Variants in P2RX7 observed in about 807,000 individuals in gnomAD.
The protein encoded by P2RX7 is P2X purinoceptor 7.
In P2RX7, 62 loss-of-function variants were observed where a neutral mutation model predicts 71.6. The ratio of observed to expected loss-of-function variants is 0.87; its 90% CI spans 0.71 to 1.07. P2RX7 has a LOEUF of 1.07. P2RX7 is among the 50% of genes least tolerant of loss of function. The probability of loss-of-function intolerance (pLI) is 0.00; values close to 1 mark genes in which losing one functional copy is unlikely to be tolerated. For missense variants in P2RX7, 686 were observed against 748.5 expected, an observed-to-expected ratio of 0.92 and a Z score of 0.97; for synonymous variants, 299 against 283.3, an observed-to-expected ratio of 1.06 and a Z score of -0.56.
chr12:121,183,639 C>G (rs1240193323), intron 12 of P2RX7, among the ~76,000 whole-genome samples: 1 of 151,282 alleles, frequency 6.6e-6, no homozygotes, highest in Non-Finnish European at 1.5e-5. Flanking sequence ...AGTGCTAAGT[C>G]CTATGAAGAA....
intron 1 of P2RX7, among the ~76,000 whole-genome samples, chr12:121,140,184 T>C (rs511496): frequency 0.18 from 27,102 of 152,048 alleles, 4,530 homozygotes; most frequent in African/African-American, 0.44. Context: ...AATCCAGCCA[T>C]GTGACACACA....
chr12:121,185,083 CAA>C lies in P2RX7; in HGVS notation c.*292_*293del, dbSNP rs375969132. 3.3e-5 allele frequency: 7 copies of C among 211,510 alleles called. No individual in the cohort carries two copies. The highest frequency in any genetic ancestry group is 9.4e-5 in the African/African-American group (4 of 42,694). 13.1% of individuals were successfully genotyped at this position (211,510 alleles called of 1,614,324 possible). ...CTGGGAGGCACAGCAAACTGTCCCC[CAA>C]AAAAAAAAAAGAGTCCTTACCAATA... On this transcript the variant is annotated 3_prime_UTR_variant, in exon 13 of 13. Coordinates refer to ENST00000328963, the MANE Select transcript of P2RX7 (RefSeq NM_002562.6).
At chr12:121,163,605 A>G (rs1057424167) in intron 5 of P2RX7, among the ~76,000 whole-genome samples, 3 of 14,268 alleles carry the variant, frequency 2.1e-4, no homozygotes, top group Non-Finnish European at 4.5e-4. Context: ...AGGTAGATAG[A>G]TAGATAGATA....
At chr12:121,165,519 C>G in intron 6 of P2RX7, 82 bp downstream of exon 6, 1 of 1,101,864 alleles carries the variant, frequency 9.1e-7, no homozygotes, top group East Asian at 2.4e-5. Context: ...CCTGAAACAA[C>G]AAACGCCTAT....
At chr12:121,181,254 C>T (rs1203820865) in intron 12 of P2RX7, among the ~76,000 whole-genome samples, 3 of 152,138 alleles carry the variant, frequency 2.0e-5, no homozygotes, top group Non-Finnish European at 4.4e-5. Context: ...ATAGTTCATT[C>T]TCATTGTATA....
At chr12:121,173,016 C>T (rs1405647620) in intron 8 of P2RX7, among the ~76,000 whole-genome samples, 3 of 152,138 alleles carry the variant, frequency 2.0e-5, no homozygotes, top group Non-Finnish European at 2.9e-5. Context: ...TTTTAAGCCT[C>T]CTTAATTATT....
chr12:121,173,775 G>C (rs1003567602), intron 8 of P2RX7, among the ~76,000 whole-genome samples: 4 of 152,172 alleles, frequency 2.6e-5, no homozygotes, highest in Non-Finnish European at 5.9e-5. Flanking sequence ...TGTCCCTAAG[G>C]AGAAATACTG....
intron 2 of P2RX7, 145 bp downstream of exon 2, chr12:121,155,098 C>A (rs1023177481): frequency 4.5e-5 from 67 of 1,481,478 alleles, no homozygotes; most frequent in Non-Finnish European, 5.9e-5. Flanking sequence ...ACTGAGAAAA[C>A]CTAAAAATTG....
In P2RX7 at chr12:121,154,541, A is replaced by T. The variant is rs148167930; in HGVS notation, c.126-244A>T. Among the ~76,000 whole-genome samples the T allele has an allele frequency of 8.5e-5, 13 of 152,296 alleles. No individual in the cohort carries two copies. The highest frequency in any genetic ancestry group is 2.1e-4 in the South Asian group (1 of 4,824). The stretch of plus-strand genomic sequence containing the variant: ...TTGGGGGCAGTAGCTTTCCTGTAGC[A>T]AGTGCTAGCTATGTGCCAGATACTG... On this transcript the variant is annotated intron_variant, in intron 1 of 12. Coordinates refer to ENST00000328963, the MANE Select transcript of P2RX7 (RefSeq NM_002562.6). The surrounding 1 kb of genome is among the most constrained non-coding windows in gnomAD (Gnocchi z 4.2).
At chr12:121,134,017 C>T (rs1037532054) in intron 1 of P2RX7, among the ~76,000 whole-genome samples, 2 of 152,144 alleles carry the variant, frequency 1.3e-5, no homozygotes, top group Non-Finnish European at 1.5e-5. Flanking sequence ...AGCCATTGCA[C>T]CCGGCTGATA....
chr12:121,162,726 C>A (rs1186055), intron 5 of P2RX7, among the ~76,000 whole-genome samples: 54,435 of 151,932 alleles, frequency 0.36, 11,032 homozygotes, highest in African/African-American at 0.55. Flanking sequence ...TGTTGTAACA[C>A]TCCTGTACCA....
chr12:121,164,509 G>A (rs1300440071), intron 5 of P2RX7, among the ~76,000 whole-genome samples: 4 of 152,120 alleles, frequency 2.6e-5, no homozygotes, highest in African/African-American at 9.7e-5. Flanking sequence ...AGCCAGGTGC[G>A]GTGGCTCACG....
rs1171313791 is a variant in P2RX7, at chr12:121,187,826, G to A, written c.*3024G>A. The A allele has an allele frequency of 6.6e-6, 1 of 152,108 alleles. No homozygotes were observed. The highest frequency in any genetic ancestry group is 1.5e-5 in the Non-Finnish European group (1 of 68,034). The allele number at this position is 152,108 out of a possible 1,614,324, so 9.4% of individuals were successfully genotyped here. On this transcript the variant is annotated 3_prime_UTR_variant, in exon 13 of 13. Coordinates refer to ENST00000328963, the MANE Select transcript of P2RX7 (RefSeq NM_002562.6). ...ATACTTAAAGACAGACTTCTGCTAC[G>A]GTAATTGCCAGTATTCATGGCTTCC... is the stretch of plus-strand genomic sequence containing the variant.
intron 8 of P2RX7, 78 bp from the exon 9 acceptor site, chr12:121,175,310 C>CAAAAAAAAAAAAAAAAAAAAA (rs370710698): frequency 5.3e-6 from 2 of 375,090 alleles, no homozygotes; most frequent in African/African-American, 4.1e-5. Context: ...GACCCTGTCT[C>CAAAAAAAAAAAAAAAAAAAAA]AAAAAAAAAA....
intron 2 of P2RX7, among the ~76,000 whole-genome samples, chr12:121,155,792 T>TA (rs112882112): frequency 0.022 from 3,198 of 146,118 alleles, 106 homozygotes; most frequent in African/African-American, 0.076. Context: ...TTTTACTGCG[T>TA]AAAAAAAAAA....
chr12:121,143,820 C>T (rs1254994802), intron 1 of P2RX7, among the ~76,000 whole-genome samples: 1 of 152,196 alleles, frequency 6.6e-6, no homozygotes, highest in Non-Finnish European at 1.5e-5. Flanking sequence ...GCATTGCACT[C>T]CAGCCTGGTG....
At chr12:121,167,409 TG>T (rs1380346539) in intron 7 of P2RX7, 78 bp from the exon 8 acceptor site, 3 of 1,545,634 alleles carry the variant, frequency 1.9e-6, no homozygotes, top group Non-Finnish European at 2.7e-6. Flanking sequence ...TAAGCAATCC[TG>T]GCTATGCAGG....
intron 1 of P2RX7, among the ~76,000 whole-genome samples, chr12:121,134,439 T>A (rs1873083604): frequency 6.6e-6 from 1 of 152,200 alleles, no homozygotes; most frequent in Admixed American, 6.5e-5. Flanking sequence ...TTGCCCAGGC[T>A]GGAGTGCAGT....
At chr12:121,157,250 C>T (rs562268754) in intron 3 of P2RX7, among the ~76,000 whole-genome samples, 32 of 152,278 alleles carry the variant, frequency 2.1e-4, no homozygotes, top group Middle Eastern at 6.8e-3. Context: ...CCAGCCCTGC[C>T]GGTGGAGTTT....
Sources: gnomAD v4.1 joint callset for allele counts (sites outside exome capture counted in the v4.1 genomes callset) on GRCh38, gnomAD v4.1.1 for gene constraint, Gnocchi (gnomAD v3.1) non-coding constraint, MANE v1.5 for transcripts, NCBI Gene and HGNC (gene_info 2026-07-23, HGNC 2026-07-21) for gene names.